Variants in THSD7B observed in about 807,000 individuals in gnomAD.
THSD7B encodes thrombospondin type-1 domain-containing protein 7B.
THSD7B carries 138 observed loss-of-function variants against 213.6 expected under a neutral mutation model. The ratio of observed to expected loss-of-function variants is 0.65; its 90% confidence interval spans 0.56 to 0.74. The LOEUF is 0.74. Among genes scored for constraint, THSD7B ranks in the 30% least tolerant of loss-of-function variants. The probability of loss-of-function intolerance (pLI) is 0.00; values close to 1 mark genes in which losing one functional copy is unlikely to be tolerated. For missense variants in THSD7B, 1,931 were observed against 1,991.5 expected, an observed-to-expected ratio of 0.97 and a Z score of 0.58; for synonymous variants, 742 against 687.0, an observed-to-expected ratio of 1.08 and a Z score of -1.25.
intron 1 of THSD7B, among the ~76,000 whole-genome samples, chr2:136,781,426 G>A (rs1006040776): frequency 3.4e-5 from 5 of 148,006 alleles, no homozygotes. Flanking sequence ...CACCATGCCC[G>A]GCTAATTTTT....
chr2:137,415,424 A>C (rs1686771073), intron 14 of THSD7B, among the ~76,000 whole-genome samples: 1 of 152,168 alleles, frequency 6.6e-6, no homozygotes. Flanking sequence ...GAGGAGAAAT[A>C]TTAAAATCAC....
chr2:137,673,359 T>G (rs1037857349), intron 27 of THSD7B, among the ~76,000 whole-genome samples: 2 of 151,906 alleles, frequency 1.3e-5, no homozygotes, highest in African/African-American at 4.8e-5. Flanking sequence ...CTGTCAAGAG[T>G]GCTGTTAGGA....
intron 7 of THSD7B, among the ~76,000 whole-genome samples, chr2:137,211,488 T>A (rs1205332213): frequency 6.6e-6 from 1 of 152,110 alleles, no homozygotes; most frequent in Non-Finnish European, 1.5e-5. Flanking sequence ...ATATATGTGT[T>A]ATGTAATTTT....
intron 10 of THSD7B, among the ~76,000 whole-genome samples, chr2:137,252,104 G>GA (rs1682191558): frequency 6.6e-6 from 1 of 151,508 alleles, no homozygotes; most frequent in Admixed American, 6.6e-5. Context: ...TGTCTCTACT[G>GA]AAAATATAAA....
intron 10 of THSD7B, among the ~76,000 whole-genome samples, chr2:137,258,476 A>T (rs1682360070): frequency 6.6e-6 from 1 of 151,776 alleles, no homozygotes; most frequent in South Asian, 2.1e-4. Flanking sequence ...CTCTGCCTTG[A>T]CCTGTCCTTC....
At chr2:137,501,158 T>TAA (rs1442212893) in intron 15 of THSD7B, among the ~76,000 whole-genome samples, 1 of 152,184 alleles carries the variant, frequency 6.6e-6, no homozygotes, top group East Asian at 1.9e-4. Flanking sequence ...CATGAAATCA[T>TAA]AAAACTAAAC....
chr2:137,655,453 A>C, intron 21 of THSD7B, 48 bp from the exon 22 acceptor site: 1 of 1,554,288 alleles, frequency 6.4e-7, no homozygotes, highest in South Asian at 1.2e-5. Context: ...CAAAACTTTG[A>C]GATGTGAATT....
chr2:137,053,469 G>C (rs1473163217), intron 2 of THSD7B, among the ~76,000 whole-genome samples: 3 of 151,882 alleles, frequency 2.0e-5, no homozygotes, highest in African/African-American at 7.2e-5. Flanking sequence ...TGTAAAGAAA[G>C]AGGAGATGAA....
intron 24 of THSD7B, among the ~76,000 whole-genome samples, chr2:137,659,240 G>C (rs1339879833): frequency 6.6e-6 from 1 of 152,112 alleles, no homozygotes; most frequent in African/African-American, 2.4e-5. Flanking sequence ...AGCATTTCCT[G>C]GGTTGTTGAA....
At chr2:137,083,630 A>G (rs1687787185) in intron 3 of THSD7B, among the ~76,000 whole-genome samples, 1 of 152,128 alleles carries the variant, frequency 6.6e-6, no homozygotes, top group Non-Finnish European at 1.5e-5. Context: ...GTAATAGCAT[A>G]CATTCTGATT....
At chr2:137,366,588 A>AT (rs989454197) in intron 12 of THSD7B, among the ~76,000 whole-genome samples, 2 of 151,792 alleles carry the variant, frequency 1.3e-5, no homozygotes, top group African/African-American at 2.4e-5. Context: ...TACTTCTGCT[A>AT]TTTTTTCTCT....
At chr2:137,384,761 G>A (rs1685855237) in intron 12 of THSD7B, among the ~76,000 whole-genome samples, 1 of 152,084 alleles carries the variant, frequency 6.6e-6, no homozygotes, top group African/African-American at 2.4e-5. Context: ...CCTCTGGAGA[G>A]AAAGTCTCCA....
intron 6 of THSD7B, among the ~76,000 whole-genome samples, chr2:137,161,521 C>T (rs1680019321): frequency 6.6e-6 from 1 of 152,186 alleles, no homozygotes; most frequent in African/African-American, 2.4e-5. Context: ...CACACCCAGA[C>T]TCACTTACCC....
intron 13 of THSD7B, among the ~76,000 whole-genome samples, chr2:137,406,150 C>T (rs1034927794): frequency 6.6e-6 from 1 of 152,154 alleles, no homozygotes; most frequent in Admixed American, 6.5e-5. Context: ...TCTCAGTGAG[C>T]TTGAAGGCAA....
At chr2:136,901,867 A>T (rs979004295) in intron 2 of THSD7B, among the ~76,000 whole-genome samples, 16 of 152,176 alleles carry the variant, frequency 1.1e-4, no homozygotes, top group Admixed American at 1.0e-3. Flanking sequence ...TCTTTGTTAG[A>T]CTCTGAGTTG....
chr2:137,077,151 T>G (rs1687643519), intron 3 of THSD7B, among the ~76,000 whole-genome samples: 1 of 152,098 alleles, frequency 6.6e-6, no homozygotes, highest in African/African-American at 2.4e-5. Flanking sequence ...ACAAAGGACA[T>G]GAACTCATCA....
intron 12 of THSD7B, among the ~76,000 whole-genome samples, chr2:137,312,120 T>C (rs1471442231): frequency 6.6e-6 from 1 of 151,682 alleles, no homozygotes; most frequent in Non-Finnish European, 1.5e-5. Context: ...AATTCGGCTG[T>C]GAATCCATCT....
chr2:137,551,604 T>C (rs1344584296), intron 15 of THSD7B, among the ~76,000 whole-genome samples: 1 of 152,186 alleles, frequency 6.6e-6, no homozygotes, highest in Non-Finnish European at 1.5e-5. Context: ...AACTTCCCAT[T>C]GGCTTTAAAG....
intron 2 of THSD7B, among the ~76,000 whole-genome samples, chr2:137,045,401 C>T (rs1686952113): frequency 6.6e-6 from 1 of 152,162 alleles, no homozygotes; most frequent in Non-Finnish European, 1.5e-5. Context: ...GGAGAGGCAG[C>T]ATCTGCAGTG....
Sources: allele counts gnomAD v4.1 joint callset (sites outside exome capture counted in the v4.1 genomes callset), GRCh38; gene constraint gnomAD v4.1.1; transcripts MANE v1.5; gene names NCBI Gene and HGNC (gene_info 2026-07-23, HGNC 2026-07-21).